The following SOX13 variants were observed in gnomAD, a reference collection of about 807,000 sequenced individuals.
SOX13 encodes the protein SRY-box transcription factor 13.
Under a neutral mutation model 71.8 loss-of-function variants are expected in SOX13, and 28 were observed. That is an observed-to-expected ratio of 0.39 (90% CI 0.29 to 0.53). The LOEUF is 0.53. SOX13 is among the 20% of genes least tolerant of loss of function. The pLI is 0.70. For missense variants in SOX13, 627 were observed against 810.3 expected (o/e 0.77, Z 2.75); for synonymous variants, 309 against 317.8 (o/e 0.97, Z 0.29).
Position 204,116,661 on chromosome 1 carries a change from C to A in SOX13, c.573C>A (p.Ala191=), listed in dbSNP as rs866216253. 5 of 1,613,628 alleles carry A rather than the reference C, an allele frequency of 3.1e-6. No homozygotes were observed. In the Middle Eastern group the frequency reaches 8.4e-4, roughly 272 times the overall value. Reference sequence around the variant, plus strand: ...AGCAGCAGCAGCAGATGGAGCTTGCCCGGCAGCAGCAGGAGCAGGTAGGTC... The same window carrying A: ...AGCAGCAGCAGCAGATGGAGCTTGCACGGCAGCAGCAGGAGCAGGTAGGTC... ...FEKQQQQMEL[A]RQQQEQIAKQ... The change falls in exon 5 of 14, where the codon GCC becomes GCA. Residue 191 remains alanine (A), a synonymous_variant. Transcript: ENST00000367204.
At position 204,081,536 on chromosome 1, in the gene SOX13, G is replaced by C. The variant is rs1275756154; in HGVS notation, c.-2+7825G>C. ...ACCCCCTGGCGGGCTCTGGGGGTGGGGGTTGGGGGGTTGCCTGGGACTCAT... is the reference window on the plus strand; with the variant it reads ...ACCCCCTGGCGGGCTCTGGGGGTGGCGGTTGGGGGGTTGCCTGGGACTCAT... On this transcript the variant is annotated intron_variant, in intron 1 of 13. Transcript: ENST00000367204. The surrounding 1 kb of genome is among the most constrained non-coding windows in gnomAD (Gnocchi z 4.3). 1.3e-5 allele frequency among the ~76,000 whole-genome samples: 2 copies of C among 152,210 alleles called. No homozygotes were observed. Among genetic ancestry groups the C allele is most frequent in the Non-Finnish European group, 1.5e-5 (1 of 68,046 alleles).
chr1:204,117,571 C>T (rs2102260033), intron 6 of SOX13, 22 bp from the exon 7 acceptor site: 2 of 1,536,800 alleles, frequency 1.3e-6, no homozygotes, highest in Non-Finnish European at 1.8e-6. Flanking sequence ...TGGGGACTCA[C>T]ACAGGGTTTC....
intron 1 of SOX13, among the ~76,000 whole-genome samples, chr1:204,104,896 A>C (rs1656433043): frequency 6.7e-6 from 1 of 150,324 alleles, no homozygotes; most frequent in Non-Finnish European, 1.5e-5. Context: ...GACAGTAAAA[A>C]CTCCTTTGAT....
chr1:204,073,863 G>C lies in SOX13; in HGVS notation c.-2+152G>C, dbSNP rs1291880595. 6.6e-6 allele frequency among the ~76,000 whole-genome samples: 1 copy of C among 152,152 alleles called. No homozygotes were observed. Among genetic ancestry groups the C allele is most frequent in the Non-Finnish European group, 1.5e-5 (1 of 68,012 alleles). On this transcript the variant is annotated intron_variant, in intron 1 of 13. Coordinates refer to ENST00000367204, the MANE Select transcript of SOX13 (RefSeq NM_005686.3). The surrounding 1 kb of genome is among the most constrained non-coding windows in gnomAD (Gnocchi z 6.8). ...GTGCAAAGTTTTTCGAGGAGAGACG[G>C]ACCCTCACCTACCCCCAACAACGCT...
rs1244438684 is a variant in SOX13, at chr1:204,124,643, T to C, written c.1378T>C (p.Ser460Pro). The change falls in exon 13 of 14, where the codon TCT becomes CCT. Residue 460 changes from serine (S) to proline (P), a missense_variant and splice_region_variant. Physicochemically the swap from Ser to Pro is moderately conservative, Grantham distance 74. Coordinates refer to ENST00000367204, the MANE Select transcript of SOX13 (RefSeq NM_005686.3). The stretch of plus-strand genomic sequence containing the variant: ...CTGCCCCTGGGGGGTTGGGTCAGGA[T>C]CTCGCTGGAAGTCCATGACCAACCA... ...HNSSISKILGSRWKSMTNQEK... is the reference protein window; with the variant it reads ...HNSSISKILGPRWKSMTNQEK... 1.2e-6 allele frequency: 2 copies of C among 1,608,662 alleles called. No individual in the cohort carries two copies. The highest frequency in any genetic ancestry group is 2.7e-5 in the African/African-American group (2 of 74,852).
In SOX13 at chr1:204,123,361, C is replaced by T. The variant is rs368896612; in HGVS notation, c.1231+153C>T. Among the ~76,000 whole-genome samples the T allele has an allele frequency of 3.9e-5, 6 of 152,162 alleles. No individual in the cohort carries two copies. The highest frequency in any genetic ancestry group is 9.7e-5 in the African/African-American group (4 of 41,426). On this transcript the variant is annotated intron_variant, in intron 11 of 13. Coordinates refer to ENST00000367204, the MANE Select transcript of SOX13 (RefSeq NM_005686.3). The surrounding 1 kb of genome is among the most constrained non-coding windows in gnomAD (Gnocchi z 5.0). ...CTCTGCTGTCCCATTATGTGTCTGT[C>T]GGCTCTGTCTCTGAGTCTGCTTTCC...
At chr1:204,091,861 C>T (rs549386706) in intron 1 of SOX13, among the ~76,000 whole-genome samples, 23 of 152,102 alleles carry the variant, frequency 1.5e-4, no homozygotes, top group Non-Finnish European at 2.1e-4. Context: ...GGATCATAGG[C>T]GTGAGCCACT....
intron 1 of SOX13, among the ~76,000 whole-genome samples, chr1:204,107,832 G>C (rs1020646797): frequency 6.6e-6 from 1 of 152,230 alleles, no homozygotes; most frequent in Non-Finnish European, 1.5e-5. Flanking sequence ...CGTTGAGCCA[G>C]ACACCTGTGA....
Position 204,073,604 on chromosome 1 carries a change from G to T in SOX13, c.-109G>T, listed in dbSNP as rs924205062. 6.6e-6 allele frequency: 1 copy of T among 151,750 alleles called. No individual in the cohort carries two copies. Among genetic ancestry groups the T allele is most frequent in the Non-Finnish European group, 1.5e-5 (1 of 67,884 alleles). The allele number at this position is 151,750 out of a possible 1,614,324, so 9.4% of individuals were successfully genotyped here. A position where few individuals can be genotyped will look rare whatever the true frequency, so the allele number is the denominator to read the frequency against. ...CCCGGCCCGCCCGCCGCGTCGCGGGGGCATGTGAGCGGGAAGCCTAGGCTG... is the reference window on the plus strand; with the variant it reads ...CCCGGCCCGCCCGCCGCGTCGCGGGTGCATGTGAGCGGGAAGCCTAGGCTG... On this transcript the variant is annotated 5_prime_UTR_variant, in exon 1 of 14. Coordinates refer to ENST00000367204, the MANE Select transcript of SOX13 (RefSeq NM_005686.3). The surrounding 1 kb of genome is among the most constrained non-coding windows in gnomAD (Gnocchi z 6.8).
rs1656936927 is a variant in SOX13, at chr1:204,127,110, G to C, written c.*976G>C. Reference sequence around the variant, plus strand: ...TTTTAGCTCTGATCAGCATGGGAATGTGCCTCGGCCTCCAAGGGGCTTTGT... The same window carrying C: ...TTTTAGCTCTGATCAGCATGGGAATCTGCCTCGGCCTCCAAGGGGCTTTGT... On this transcript the variant is annotated 3_prime_UTR_variant, in exon 14 of 14. Coordinates refer to ENST00000367204, the MANE Select transcript of SOX13 (RefSeq NM_005686.3). 1 of 152,364 alleles carries C rather than the reference G, an allele frequency of 6.6e-6. No individual in the cohort carries two copies. Among genetic ancestry groups the C allele is most frequent in the Admixed American group, 6.5e-5 (1 of 15,278 alleles). The allele number at this position is 152,364 out of a possible 1,614,324, so 9.4% of individuals were successfully genotyped here. A position where few individuals can be genotyped will look rare whatever the true frequency, so the allele number is the denominator to read the frequency against.
chr1:204,113,021 G>GC lies in SOX13; in HGVS notation c.112dup (p.Gln38ProfsTer8), dbSNP rs777272954. ...GGAGAAGAAAGAGCCTTGCCACGAG[G>GC]CCCCCCAGGGCTCAGCCACTGCCGC... is the stretch of plus-strand genomic sequence containing the variant. On this transcript the variant is annotated frameshift_variant, in exon 2 of 14. Transcript: ENST00000367204. LOFTEE classifies it high-confidence loss of function. 2 of 1,612,628 alleles carry GC rather than the reference G, an allele frequency of 1.2e-6. No homozygotes were observed. Among genetic ancestry groups the GC allele is most frequent in the Non-Finnish European group, 8.5e-7 (1 of 1,179,638 alleles).
At chr1:204,088,598 C>T (rs537503700) in intron 1 of SOX13, among the ~76,000 whole-genome samples, 78 of 152,278 alleles carry the variant, frequency 5.1e-4, no homozygotes, top group African/African-American at 1.6e-3. Flanking sequence ...ACTCCTGTCC[C>T]GTTACCCCCA....
rs183518758 is a variant in SOX13 at position 204,099,219 on chromosome 1, C to G, written c.-1-13696C>G. 1.1e-3 allele frequency among the ~76,000 whole-genome samples: 170 copies of G among 152,280 alleles called. 1 individual carries two copies. The East Asian group carries it at 0.022, about 20-fold the overall frequency. ...CTTGGTCACTACTCACTGGCTATGA[C>G]CTTGGGCAATGGCTTAGCCTCCTTA... On this transcript the variant is annotated intron_variant, in intron 1 of 13. Coordinates refer to ENST00000367204, the MANE Select transcript of SOX13 (RefSeq NM_005686.3).
chr1:204,125,954 C>T lies in SOX13; in HGVS notation c.1689C>T (p.Val563=). The T allele has an allele frequency of 6.2e-7, 1 of 1,613,876 alleles. No individual in the cohort carries two copies. Among genetic ancestry groups the T allele is most frequent in the Admixed American group, 1.7e-5 (1 of 60,012 alleles). The part of the protein sequence containing the change: ...PLAQPLVEHY[V]PRSLDPNMPV... ...CACAGCCACTGGTGGAGCACTATGT[C>T]CCTCGTAGCCTGGACCCCAACATGC... The change falls in exon 14 of 14, where the codon GTC becomes GTT. Residue 563 remains valine (V), a synonymous_variant. Coordinates refer to ENST00000367204, the MANE Select transcript of SOX13 (RefSeq NM_005686.3).
In SOX13 at chr1:204,123,490, T is replaced by C. The variant is rs1656854688; in HGVS notation, c.1232-171T>C. 6.6e-6 allele frequency among the ~76,000 whole-genome samples: 1 copy of C among 152,198 alleles called. No individual in the cohort carries two copies. The highest frequency in any genetic ancestry group is 1.5e-5 in the Non-Finnish European group (1 of 68,032). ...CCCTGGCTGGGCCTCTGCGGATAAT[T>C]TGCTGTTTCTTCTGCCCCATCTGCT... On this transcript the variant is annotated intron_variant, in intron 11 of 13. Transcript: ENST00000367204. The surrounding 1 kb of genome is among the most constrained non-coding windows in gnomAD (Gnocchi z 5.0).
intron 1 of SOX13, among the ~76,000 whole-genome samples, chr1:204,103,716 T>C (rs901857521): frequency 3.3e-5 from 5 of 152,206 alleles, no homozygotes; most frequent in African/African-American, 1.2e-4. Flanking sequence ...TGCTCACCTG[T>C]CCAGGACACA....
At chr1:204,109,636 T>A (rs1281704468) in intron 1 of SOX13, among the ~76,000 whole-genome samples, 1 of 152,106 alleles carries the variant, frequency 6.6e-6, no homozygotes, top group Non-Finnish European at 1.5e-5. Flanking sequence ...TCTCAGAACA[T>A]GTTTATGCTA....
At chr1:204,107,491 C>T (rs570112337) in intron 1 of SOX13, among the ~76,000 whole-genome samples, 11 of 152,130 alleles carry the variant, frequency 7.2e-5, no homozygotes, top group East Asian at 1.9e-4. Flanking sequence ...ATCATGGGAC[C>T]GTCGCTCCCC....
At chr1:204,093,838 C>T (rs1418378112) in intron 1 of SOX13, among the ~76,000 whole-genome samples, 2 of 152,200 alleles carry the variant, frequency 1.3e-5, no homozygotes, top group African/African-American at 4.8e-5. Context: ...TAGGCACTGT[C>T]ATTATCTTTC....
Sources: gnomAD v4.1 joint callset for allele counts (sites outside exome capture counted in the v4.1 genomes callset) on GRCh38, gnomAD v4.1.1 for gene constraint, Gnocchi (gnomAD v3.1) non-coding constraint, MANE v1.5 for transcripts, NCBI Gene and HGNC (gene_info 2026-07-23, HGNC 2026-07-21) for gene names.